Variants in SCARA3 observed in about 807,000 individuals in gnomAD.
SCARA3 encodes scavenger receptor class A member 3, also known as cellular stress response gene protein.
Under a neutral mutation model 47.0 loss-of-function variants are expected in SCARA3, and 39 were observed. The ratio of observed to expected loss-of-function variants is 0.83; its 90% confidence interval spans 0.64 to 1.08. The LOEUF is 1.08. SCARA3 is among the 50% of genes least tolerant of loss of function. The pLI is 0.00. For missense variants in SCARA3, 724 were observed against 792.3 expected, an observed-to-expected ratio of 0.91 and a Z score of 1.04; for synonymous variants, 356 against 334.1, an observed-to-expected ratio of 1.07 and a Z score of -0.71.
chr8:27,704,856 G>A, the SCARA3 span, among the ~76,000 whole-genome samples: 18 of 152,130 alleles, frequency 1.2e-4, no homozygotes, highest in Admixed American at 1.1e-3. Flanking sequence ...CTCTCTGGAG[G>A]GAGGCTGAGC....
At chr8:27,686,099 A>G in the SCARA3 span, among the ~76,000 whole-genome samples, 1 of 152,246 alleles carries the variant, frequency 6.6e-6, no homozygotes, top group Admixed American at 6.5e-5. Flanking sequence ...AGCTTTTTTA[A>G]GAAAATCATA....
Position 27,634,136 on chromosome 8 carries a change from C to T in SCARA3, c.-65C>T. The T allele has an allele frequency of 2.8e-6, 4 of 1,429,448 alleles. No homozygotes were observed. Among genetic ancestry groups the T allele is most frequent in the Non-Finnish European group, 3.7e-6 (4 of 1,092,460 alleles). The allele number at this position is 1,429,448 out of a possible 1,614,324, so 88.5% of individuals were successfully genotyped here. On this transcript the variant is annotated 5_prime_UTR_variant, in exon 1 of 6. Coordinates refer to ENST00000301904, the MANE Select transcript of SCARA3 (RefSeq NM_016240.3). ...CGCGCCCTGGAGGATCCGCCGGCCG[C>T]CCGGCTCCACTACAGCTCCAGCCGC...
the SCARA3 span, among the ~76,000 whole-genome samples, chr8:27,682,999 A>G: frequency 6.6e-6 from 1 of 151,840 alleles, no homozygotes. Context: ...TTTGTTTATA[A>G]TTAGCCAGAA....
chr8:27,678,151 C>A (rs1202729600), downstream of SCARA3, among the ~76,000 whole-genome samples: 1 of 151,782 alleles, frequency 6.6e-6, no homozygotes, highest in Non-Finnish European at 1.5e-5. Context: ...ACAAGAAGGG[C>A]AAATTAAACC....
At chr8:27,680,043 C>G (rs1411364786), downstream of SCARA3, 2 of 151,738 alleles carry the variant, frequency 1.3e-5, no homozygotes, top group African/African-American at 4.8e-5. Context: ...GATAGTATTG[C>G]AAACATAACA....
At chr8:27,643,606 A>G (rs781176462) in intron 1 of SCARA3, among the ~76,000 whole-genome samples, 10 of 152,202 alleles carry the variant, frequency 6.6e-5, no homozygotes, top group African/African-American at 9.6e-5. Context: ...AACCTTACTT[A>G]TAGCGTTCTC....
the SCARA3 span, chr8:27,702,320 G>C: frequency 3.7e-3 from 563 of 152,462 alleles, 13 homozygotes; most frequent in South Asian, 2.7e-3. Flanking sequence ...TCTTCTTCTG[G>C]TGAAGTCATC....
downstream of SCARA3, among the ~76,000 whole-genome samples, chr8:27,675,227 G>C (rs1448325139): frequency 2.6e-5 from 4 of 152,198 alleles, no homozygotes; most frequent in Non-Finnish European, 4.4e-5. Context: ...GGGCTGAGCT[G>C]ACAACTTCTG....
the SCARA3 span, among the ~76,000 whole-genome samples, chr8:27,705,545 A>G: frequency 5.3e-5 from 8 of 152,244 alleles, no homozygotes; most frequent in Non-Finnish European, 1.5e-5. Context: ...CGGCTGGGTG[A>G]CCTTGAGTAA....
chr8:27,696,123 C>A, the SCARA3 span, among the ~76,000 whole-genome samples: 2 of 151,962 alleles, frequency 1.3e-5, no homozygotes, highest in Non-Finnish European at 2.9e-5. Flanking sequence ...AATCCTCCTG[C>A]CCCAGCCTCC....
the SCARA3 span, among the ~76,000 whole-genome samples, chr8:27,715,662 G>A: frequency 6.6e-6 from 1 of 152,112 alleles, no homozygotes; most frequent in African/African-American, 2.4e-5. The surrounding 1 kb of genome is among the most constrained non-coding windows in gnomAD (Gnocchi z 4.2). Context: ...GACACAGACA[G>A]GAACAGACAG....
At chr8:27,635,962 C>T (rs35502545) in intron 1 of SCARA3, among the ~76,000 whole-genome samples, 3,608 of 152,278 alleles carry the variant, frequency 0.024, 50 homozygotes, top group Middle Eastern at 0.037. Context: ...GGCTTCCTTC[C>T]CTCTGCCTCT....
chr8:27,695,419 A>G, the SCARA3 span, among the ~76,000 whole-genome samples: 1 of 152,230 alleles, frequency 6.6e-6, no homozygotes, highest in South Asian at 2.1e-4. Context: ...CTTCACGGGT[A>G]AATAACAGAC....
At chr8:27,697,825 C>G in the SCARA3 span, among the ~76,000 whole-genome samples, 1,517 of 152,266 alleles carry the variant, frequency 1.0e-2, 18 homozygotes, top group African/African-American at 0.034. Context: ...TAAGACGTGC[C>G]TTTGCTACTC....
chr8:27,712,989 AT>A, the SCARA3 span, among the ~76,000 whole-genome samples: 1 of 152,186 alleles, frequency 6.6e-6, no homozygotes, highest in Non-Finnish European at 1.5e-5. Context: ...ATTTAGTTGT[AT>A]TTTCACCAAA....
intron 5 of SCARA3, among the ~76,000 whole-genome samples, chr8:27,664,967 C>A (rs1801985490): frequency 6.6e-6 from 1 of 152,222 alleles, no homozygotes; most frequent in Admixed American, 6.5e-5. Context: ...ATTTCAGGGA[C>A]ACAGTGCACA....
At chr8:27,705,203 G>A in the SCARA3 span, among the ~76,000 whole-genome samples, 2 of 152,220 alleles carry the variant, frequency 1.3e-5, no homozygotes, top group Non-Finnish European at 2.9e-5. Context: ...GAGGAAGGGA[G>A]AGGAGAAAGA....
chr8:27,661,765 G>A (rs1801917603), intron 5 of SCARA3, among the ~76,000 whole-genome samples: 1 of 152,140 alleles, frequency 6.6e-6, no homozygotes, highest in Admixed American at 6.5e-5. Flanking sequence ...ACCTGCTGGG[G>A]TGATCTAAAC....
chr8:27,671,550 GCACATGCACACACATGCATGCACA>G lies in SCARA3; in HGVS notation c.*212_*235del. 1.6e-6 allele frequency: 2 copies of G among 1,283,338 alleles called. No homozygotes were observed. The highest frequency in any genetic ancestry group is 3.1e-5 in the East Asian group (1 of 32,592). 79.5% of individuals were successfully genotyped at this position (1,283,338 alleles called of 1,614,324 possible). ...GCAGCCCCTCCTCACACATACATGTGCACATGCACACACATGCATGCACACACATGCACACATACACGCACATGC... is the reference window on the plus strand; with the variant it reads ...GCAGCCCCTCCTCACACATACATGTGCACATGCACACATACACGCACATGC... On this transcript the variant is annotated 3_prime_UTR_variant, in exon 6 of 6. Coordinates refer to ENST00000301904, the MANE Select transcript of SCARA3 (RefSeq NM_016240.3).
Sources: allele counts gnomAD v4.1 joint callset (sites outside exome capture counted in the v4.1 genomes callset), GRCh38; gene constraint gnomAD v4.1.1; non-coding constraint Gnocchi (gnomAD v3.1); transcripts MANE v1.5; gene names NCBI Gene and HGNC (gene_info 2026-07-23, HGNC 2026-07-21).